The following MTHFD2L variants were observed in gnomAD, a reference collection of about 807,000 sequenced individuals.
MTHFD2L encodes the protein bifunctional methylenetetrahydrofolate dehydrogenase/cyclohydrolase 2, mitochondrial.
MTHFD2L carries 29 observed loss-of-function variants against 34.9 expected under a neutral mutation model. That is an observed-to-expected ratio of 0.83 (90% CI 0.62 to 1.13). The LOEUF (loss-of-function observed/expected upper bound fraction) is 1.13, where lower values mean the gene tolerates loss of function less well. MTHFD2L is among the 50% of genes most tolerant of loss of function. MTHFD2L has a pLI of 0.00. For missense variants in MTHFD2L, 481 were observed against 446.5 expected, an observed-to-expected ratio of 1.08 and a Z score of -0.70; for synonymous variants, 167 against 155.7, an observed-to-expected ratio of 1.07 and a Z score of -0.54.
intron 6 of MTHFD2L, among the ~76,000 whole-genome samples, chr4:74,247,762 C>T (rs372576814): frequency 1.3e-5 from 2 of 152,132 alleles, no homozygotes; most frequent in East Asian, 1.9e-4. Context: ...CTTTGGTTCT[C>T]TTGATATGCT....
At chr4:74,168,552 C>A (rs1727249723) in intron 1 of MTHFD2L, among the ~76,000 whole-genome samples, 1 of 152,136 alleles carries the variant, frequency 6.6e-6, no homozygotes, top group South Asian at 2.1e-4. Flanking sequence ...TTGCTTATAT[C>A]TTCTTCAACT....
chr4:74,202,202 A>G (rs1161447650), intron 5 of MTHFD2L, among the ~76,000 whole-genome samples: 1 of 152,212 alleles, frequency 6.6e-6, no homozygotes, highest in Admixed American at 6.5e-5. Context: ...GGTCAACACC[A>G]CTAGAGTGTA....
chr4:74,142,729 C>T (rs1300159379), intron 1 of MTHFD2L, among the ~76,000 whole-genome samples: 2 of 152,102 alleles, frequency 1.3e-5, no homozygotes, highest in African/African-American at 4.8e-5. Flanking sequence ...TTTCTGCAAC[C>T]CCTACGTGCA....
intron 5 of MTHFD2L, among the ~76,000 whole-genome samples, chr4:74,222,529 C>A (rs1335865378): frequency 6.6e-6 from 1 of 152,106 alleles, no homozygotes; most frequent in Non-Finnish European, 1.5e-5. Flanking sequence ...GGTTCCACCT[C>A]TTAATATTGT....
chr4:74,251,435 G>A (rs537281096), intron 6 of MTHFD2L, among the ~76,000 whole-genome samples: 36 of 152,292 alleles, frequency 2.4e-4, no homozygotes, highest in Non-Finnish European at 4.0e-4. Flanking sequence ...ATCACCAACC[G>A]TTGTCTTCAA....
At chr4:74,167,767 C>T (rs1727039003) in intron 1 of MTHFD2L, among the ~76,000 whole-genome samples, 1 of 152,204 alleles carries the variant, frequency 6.6e-6, no homozygotes, top group Admixed American at 6.5e-5. Flanking sequence ...GTGCGCGACT[C>T]ACTAAGCACA....
chr4:74,261,983 T>G (rs896895901), intron 6 of MTHFD2L, among the ~76,000 whole-genome samples: 24 of 152,052 alleles, frequency 1.6e-4, no homozygotes, highest in Non-Finnish European at 3.5e-4. Context: ...CAGAGTAGTA[T>G]TTTATTCTGT....
chr4:74,289,777 G>A (rs1321994547), intron 7 of MTHFD2L, among the ~76,000 whole-genome samples: 1 of 152,134 alleles, frequency 6.6e-6, no homozygotes, highest in Non-Finnish European at 1.5e-5. Context: ...AAGTAGATAT[G>A]AGGGAAAGAG....
At chr4:74,191,847 G>A (rs902101968) in intron 3 of MTHFD2L, among the ~76,000 whole-genome samples, 5 of 152,228 alleles carry the variant, frequency 3.3e-5, no homozygotes, top group South Asian at 2.1e-4. Context: ...ATGAGCCACC[G>A]TGCCTGACCT....
At chr4:74,290,998 CTTTTCTTTTTTT>C (rs1748837716) in intron 7 of MTHFD2L, among the ~76,000 whole-genome samples, 1 of 46,156 alleles carries the variant, frequency 2.2e-5, no homozygotes, top group African/African-American at 6.7e-5. Flanking sequence ...TTTATTTTTC[CTTTTCTTTTTTT>C]TTTTTTTTTT....
intron 3 of MTHFD2L, chr4:74,183,472 G>T: frequency 6.6e-6 from 1 of 152,034 alleles, no homozygotes; most frequent in East Asian, 1.9e-4. Flanking sequence ...GCCAACATCG[G>T]GAAACCCCAT....
At chr4:74,249,365 CTA>C (rs1742979108) in intron 6 of MTHFD2L, among the ~76,000 whole-genome samples, 1 of 152,080 alleles carries the variant, frequency 6.6e-6, no homozygotes, top group Non-Finnish European at 1.5e-5. Context: ...TATTTTGAGC[CTA>C]TGTGTGTCTC....
intron 7 of MTHFD2L, among the ~76,000 whole-genome samples, chr4:74,294,433 C>A (rs1178267584): frequency 1.3e-5 from 2 of 152,052 alleles, no homozygotes; most frequent in African/African-American, 4.8e-5. Flanking sequence ...CCAAATGAAG[C>A]AATGACAGAA....
intron 3 of MTHFD2L, among the ~76,000 whole-genome samples, chr4:74,186,626 A>T (rs769106006): frequency 2.6e-4 from 40 of 152,138 alleles, no homozygotes; most frequent in Non-Finnish European, 5.2e-4. Flanking sequence ...TTGACAAAAG[A>T]TGGGGAAAAC....
At chr4:74,301,584 T>C (rs1750333812) in intron 7 of MTHFD2L, 113 bp from the exon 8 acceptor site, 3 of 604,000 alleles carry the variant, frequency 5.0e-6, no homozygotes, top group East Asian at 3.0e-5. Flanking sequence ...TACTTGATTC[T>C]AAAAATGATT....
At chr4:74,265,807 A>G (rs1371461796) in intron 6 of MTHFD2L, among the ~76,000 whole-genome samples, 1 of 152,236 alleles carries the variant, frequency 6.6e-6, no homozygotes, top group East Asian at 1.9e-4. Flanking sequence ...TAAGCTTAAT[A>G]TTCTCTATAT....
intron 3 of MTHFD2L, among the ~76,000 whole-genome samples, chr4:74,177,687 T>C (rs1729307699): frequency 6.6e-6 from 1 of 151,924 alleles, no homozygotes; most frequent in Non-Finnish European, 1.5e-5. Flanking sequence ...GAAAACAGCA[T>C]GACAGTTCCT....
chr4:74,165,968 G>A (rs1442239328), intron 1 of MTHFD2L, among the ~76,000 whole-genome samples: 2 of 152,294 alleles, frequency 1.3e-5, no homozygotes, highest in African/African-American at 2.4e-5. Context: ...ACCATATTTA[G>A]ATAGGGGAAA....
At chr4:74,158,799 C>T (rs1262647095) in intron 1 of MTHFD2L, among the ~76,000 whole-genome samples, 2 of 152,162 alleles carry the variant, frequency 1.3e-5, no homozygotes, top group Non-Finnish European at 2.9e-5. Context: ...ATGTATGGCT[C>T]TCCCTCCCTA....
Sources: allele counts gnomAD v4.1 joint callset (sites outside exome capture counted in the v4.1 genomes callset), GRCh38; gene constraint gnomAD v4.1.1; transcripts MANE v1.5; gene names NCBI Gene and HGNC (gene_info 2026-07-23, HGNC 2026-07-21).